Variants in LRP1B observed in about 807,000 individuals in gnomAD.
LRP1B encodes LDL receptor related protein 1B.
Under a neutral mutation model 556.6 loss-of-function variants are expected in LRP1B, and 217 were observed. The ratio of observed to expected loss-of-function variants is 0.39; its 90% CI spans 0.35 to 0.44. LRP1B has a LOEUF of 0.44. LRP1B is among the 20% of genes least tolerant of loss of function. LRP1B has a pLI of 1.00. For missense variants in LRP1B, 5,053 were observed against 5,620.8 expected, an observed-to-expected ratio of 0.90 and a Z score of 3.23; for synonymous variants, 2,047 against 1,865.8, an observed-to-expected ratio of 1.10 and a Z score of -2.50.
intron 1 of LRP1B, among the ~76,000 whole-genome samples, chr2:142,017,417 T>A (rs1169860574): frequency 6.6e-6 from 1 of 152,180 alleles, no homozygotes; most frequent in Non-Finnish European, 1.5e-5. Flanking sequence ...TAAACTATTA[T>A]CTCCCAATGA....
chr2:142,070,451 G>A (rs1705268753), intron 1 of LRP1B, among the ~76,000 whole-genome samples: 2 of 151,812 alleles, frequency 1.3e-5, no homozygotes, highest in Non-Finnish European at 2.9e-5. Flanking sequence ...CACAAATCAT[G>A]TCTTTCCTTC....
At chr2:140,292,278 A>G (rs1212018508) in intron 84 of LRP1B, among the ~76,000 whole-genome samples, 1 of 152,188 alleles carries the variant, frequency 6.6e-6, no homozygotes, top group African/African-American at 2.4e-5. Flanking sequence ...AAGGATACAT[A>G]TTCACATATT....
chr2:142,125,278 C>A (rs760108162), intron 1 of LRP1B, among the ~76,000 whole-genome samples: 1 of 151,740 alleles, frequency 6.6e-6, no homozygotes, highest in Non-Finnish European at 1.5e-5. Flanking sequence ...ACTTGTTGTG[C>A]TGAATGGCAG....
chr2:142,002,952 A>G (rs554275479), intron 1 of LRP1B, among the ~76,000 whole-genome samples: 20 of 152,348 alleles, frequency 1.3e-4, no homozygotes, highest in Non-Finnish European at 2.1e-4. Flanking sequence ...GAGGATGTGA[A>G]CATGCTTATA....
intron 83 of LRP1B, among the ~76,000 whole-genome samples, chr2:140,305,453 T>C (rs906440047): frequency 6.1e-4 from 93 of 152,260 alleles, no homozygotes; most frequent in African/African-American, 2.2e-3. Flanking sequence ...TTTGGCTCTC[T>C]GTCTGTTATT....
At chr2:140,922,429 CTCA>C (rs1337478952) in intron 21 of LRP1B, among the ~76,000 whole-genome samples, 2 of 151,858 alleles carry the variant, frequency 1.3e-5, no homozygotes, top group Non-Finnish European at 2.9e-5. Flanking sequence ...CAGCATCCTC[CTCA>C]TAATAGAAAT....
chr2:141,323,821 G>C (rs551343796), intron 3 of LRP1B, among the ~76,000 whole-genome samples: 30 of 151,528 alleles, frequency 2.0e-4, no homozygotes, highest in Non-Finnish European at 3.8e-4. Context: ...GCTTAAAAGT[G>C]AAAAATAGAT....
chr2:140,700,163 T>C (rs952400591), intron 41 of LRP1B, 87 bp downstream of exon 41: 1 of 1,188,192 alleles, frequency 8.4e-7, no homozygotes. Context: ...GAAAATGTAA[T>C]TGCTACATGC....
chr2:140,890,663 A>G (rs1396063446), intron 23 of LRP1B, among the ~76,000 whole-genome samples: 1 of 152,040 alleles, frequency 6.6e-6, no homozygotes, highest in African/African-American at 2.4e-5. Flanking sequence ...CTTAATCTAG[A>G]TATCTCCCTC....
chr2:141,253,133 G>A (rs1248051026), intron 4 of LRP1B, among the ~76,000 whole-genome samples: 3 of 152,130 alleles, frequency 2.0e-5, no homozygotes, highest in East Asian at 1.9e-4. Flanking sequence ...AGCCAAACAC[G>A]TACGAATGGC....
At chr2:140,292,942 G>A (rs941863323) in intron 84 of LRP1B, among the ~76,000 whole-genome samples, 1 of 152,072 alleles carries the variant, frequency 6.6e-6, no homozygotes. Flanking sequence ...TTCTAATACC[G>A]ATTGCAAAAC....
intron 66 of LRP1B, among the ~76,000 whole-genome samples, chr2:140,432,590 T>C (rs1232113014): frequency 1.3e-5 from 2 of 152,192 alleles, no homozygotes; most frequent in African/African-American, 2.4e-5. Context: ...AACTGGACAG[T>C]TGTCCCTAAC....
chr2:141,895,144 C>T (rs971335983), intron 1 of LRP1B, among the ~76,000 whole-genome samples: 2 of 151,642 alleles, frequency 1.3e-5, no homozygotes, highest in African/African-American at 2.4e-5. Context: ...AGACAAGGCT[C>T]ATTAAAAATA....
chr2:141,297,068 T>G (rs116195017), intron 3 of LRP1B, among the ~76,000 whole-genome samples: 1 of 152,206 alleles, frequency 6.6e-6, no homozygotes, highest in Non-Finnish European at 1.5e-5. Flanking sequence ...TAGTATTTCA[T>G]GGTGAATATG....
intron 1 of LRP1B, among the ~76,000 whole-genome samples, chr2:142,084,074 G>A (rs10169986): frequency 0.023 from 3,499 of 151,718 alleles, 56 homozygotes; most frequent in African/African-American, 0.039. Flanking sequence ...CCGCCTCCTG[G>A]ATTCAAGCGA....
intron 59 of LRP1B, among the ~76,000 whole-genome samples, chr2:140,483,633 TATATATA>T (rs1290581929): frequency 7.9e-5 from 4 of 50,710 alleles, no homozygotes; most frequent in African/African-American, 1.2e-4. Context: ...TATATATATA[TATATATA>T]TTTTTTTTTT....
chr2:141,404,961 G>T (rs1690581621), intron 3 of LRP1B, among the ~76,000 whole-genome samples: 1 of 151,762 alleles, frequency 6.6e-6, no homozygotes. Context: ...GTGTAGTGGT[G>T]GGCACCTGTA....
At chr2:141,761,193 C>T (rs1181935275) in intron 2 of LRP1B, among the ~76,000 whole-genome samples, 1 of 152,078 alleles carries the variant, frequency 6.6e-6, no homozygotes, top group Non-Finnish European at 1.5e-5. Flanking sequence ...TATCTATTAT[C>T]AGTTGATCCA....
chr2:140,531,959 G>A (rs1410414744), intron 47 of LRP1B, among the ~76,000 whole-genome samples: 1 of 152,038 alleles, frequency 6.6e-6, no homozygotes, highest in Non-Finnish European at 1.5e-5. Context: ...ATTTAAATAA[G>A]TAATTTTGAT....
Sources: gnomAD v4.1 joint callset for allele counts (sites outside exome capture counted in the v4.1 genomes callset) on GRCh38, gnomAD v4.1.1 for gene constraint, MANE v1.5 for transcripts, NCBI Gene and HGNC (gene_info 2026-07-23, HGNC 2026-07-21) for gene names.